HDAC9: variants seen among roughly 807,000 people sequenced by gnomAD.
The protein encoded by HDAC9 is MEF-2 interacting transcription repressor (MITR) protein.
In HDAC9, 41 loss-of-function variants were observed where a neutral mutation model predicts 139.4. The ratio of observed to expected loss-of-function variants is 0.29; its 90% CI spans 0.23 to 0.38. The LOEUF is 0.38. Ranked by LOEUF, HDAC9 falls within the 10% of genes least tolerant of loss-of-function variation. The pLI is 1.00. For missense variants in HDAC9, 1,147 were observed against 1,297.0 expected, an observed-to-expected ratio of 0.88 and a Z score of 1.78; for synonymous variants, 517 against 476.2, an observed-to-expected ratio of 1.09 and a Z score of -1.12.
At chr7:18,777,013 G>A (rs574314376) in intron 16 of HDAC9, among the ~76,000 whole-genome samples, 2 of 140,608 alleles carry the variant, frequency 1.4e-5, no homozygotes, top group South Asian at 4.5e-4. Flanking sequence ...GAGAGGGCAA[G>A]TTGAATTTCT....
At chr7:18,596,426 A>T (rs962926603) in intron 6 of HDAC9, among the ~76,000 whole-genome samples, 3 of 152,134 alleles carry the variant, frequency 2.0e-5, no homozygotes, top group African/African-American at 7.2e-5. Context: ...TGTATTTCCA[A>T]TTCCATTATG....
At chr7:18,906,816 T>A (rs947931766) in intron 22 of HDAC9, 1 of 152,184 alleles carries the variant, frequency 6.6e-6, no homozygotes, top group Non-Finnish European at 1.5e-5. Context: ...ACACACACAA[T>A]CAATTTCGAG....
chr7:18,162,140 C>T (rs557566929), intron 1 of HDAC9: 9 of 582,712 alleles, frequency 1.5e-5, no homozygotes, highest in Admixed American at 6.1e-5. Flanking sequence ...GTGGCTGAGT[C>T]GACACTCAAG....
intron 1 of HDAC9, among the ~76,000 whole-genome samples, chr7:18,408,627 G>A (rs546196888): frequency 8.5e-5 from 13 of 152,242 alleles, no homozygotes; most frequent in African/African-American, 3.1e-4. Context: ...CTAATGGGCC[G>A]TTTATGAAAT....
intron 2 of HDAC9, among the ~76,000 whole-genome samples, chr7:18,546,403 A>T (rs1814841650): frequency 1.3e-5 from 2 of 152,178 alleles, no homozygotes; most frequent in South Asian, 4.1e-4. Flanking sequence ...TAAACTCGGA[A>T]TACGAACTCT....
intron 19 of HDAC9, among the ~76,000 whole-genome samples, chr7:18,834,760 A>AG (rs1562974214): frequency 1.3e-5 from 2 of 152,102 alleles, no homozygotes; most frequent in Non-Finnish European, 2.9e-5. Context: ...TGAAGTATGA[A>AG]GTTTTTTTGC....
rs1159450331 is a variant in HDAC9 at position 18,216,809 on chromosome 7, T to C, written c.25+54460T>C. 3.2e-4 allele frequency among the ~76,000 whole-genome samples: 49 copies of C among 152,186 alleles called. 1 individual carries two copies. The highest frequency in any genetic ancestry group is 3.2e-3 in the Admixed American group (49 of 15,262). Reference sequence around the variant, plus strand: ...AGTTTTCTGTTTTGTCAGCTGGTTTTCAGGTTTTAGTGTCAGGGTTACTAG... The same window carrying C: ...AGTTTTCTGTTTTGTCAGCTGGTTTCCAGGTTTTAGTGTCAGGGTTACTAG... On this transcript the variant is annotated intron_variant, in intron 2 of 12. Transcript: ENST00000417496.
intron 12 of HDAC9, chr7:18,667,863 T>G: frequency 1.0e-6 from 1 of 983,532 alleles, no homozygotes; most frequent in African/African-American, 1.7e-5. Flanking sequence ...TACCTTGTTT[T>G]ATAGGTTTAC....
chr7:18,602,427 C>A (rs1428699475), intron 6 of HDAC9, among the ~76,000 whole-genome samples: 2 of 151,124 alleles, frequency 1.3e-5, no homozygotes, highest in Non-Finnish European at 3.0e-5. Context: ...AGTTTTCTCT[C>A]TTGATTTCCT....
intron 2 of HDAC9, among the ~76,000 whole-genome samples, chr7:18,503,797 A>G (rs1799024980): frequency 1.3e-5 from 2 of 152,164 alleles, no homozygotes; most frequent in Admixed American, 1.3e-4. Flanking sequence ...TAAATTCATA[A>G]TGTATGTTCA....
At chr7:18,427,831 C>T in intron 1 of HDAC9, among the ~76,000 whole-genome samples, 1 of 151,658 alleles carries the variant, frequency 6.6e-6, no homozygotes. Flanking sequence ...TACAGCAGCT[C>T]TTTTAGAAAT....
intron 1 of HDAC9, among the ~76,000 whole-genome samples, chr7:18,307,366 A>G (rs1255318327): frequency 1.3e-5 from 2 of 152,216 alleles, no homozygotes; most frequent in African/African-American, 4.8e-5. Context: ...TCTTGAACAC[A>G]TTGAATTTTG....
At chr7:18,441,765 T>C (rs1473231552) in intron 1 of HDAC9, among the ~76,000 whole-genome samples, 1 of 147,004 alleles carries the variant, frequency 6.8e-6, no homozygotes, top group Non-Finnish European at 1.5e-5. Context: ...ATATATGTTT[T>C]GTTGTTGTTG....
intron 2 of HDAC9, among the ~76,000 whole-genome samples, chr7:18,230,400 T>C (rs1793371250): frequency 2.0e-5 from 3 of 152,208 alleles, no homozygotes; most frequent in African/African-American, 7.2e-5. Context: ...CCCTTATAGA[T>C]GCCTTTGCGT....
At chr7:18,795,796 T>C (rs1235969495) in intron 17 of HDAC9, among the ~76,000 whole-genome samples, 2 of 152,180 alleles carry the variant, frequency 1.3e-5, no homozygotes, top group Non-Finnish European at 2.9e-5. Flanking sequence ...TGGACCGCTA[T>C]TCAACAACCA....
intron 22 of HDAC9, among the ~76,000 whole-genome samples, chr7:18,924,880 C>T (rs539769803): frequency 5.0e-4 from 76 of 152,014 alleles, no homozygotes; most frequent in Non-Finnish European, 7.5e-4. Context: ...TGGCAATGGT[C>T]AATTATAAGT....
intron 1 of HDAC9, among the ~76,000 whole-genome samples, chr7:18,472,896 C>T (rs1794830319): frequency 6.6e-6 from 1 of 152,200 alleles, no homozygotes; most frequent in African/African-American, 2.4e-5. Context: ...TTGTTTAGAA[C>T]AGCACCTGAT....
At chr7:18,875,405 AC>A (rs907380332) in intron 22 of HDAC9, among the ~76,000 whole-genome samples, 3 of 152,194 alleles carry the variant, frequency 2.0e-5, no homozygotes, top group Non-Finnish European at 2.9e-5. Context: ...GCAGACAACA[AC>A]AAAAAACCCA....
chr7:18,394,012 G>A (rs1786790909), intron 1 of HDAC9, among the ~76,000 whole-genome samples: 2 of 152,132 alleles, frequency 1.3e-5, no homozygotes, highest in South Asian at 4.1e-4. Context: ...TTAATTTAAA[G>A]CTAGACTTTT....
Sources: gnomAD v4.1 joint callset for allele counts (sites outside exome capture counted in the v4.1 genomes callset) on GRCh38, gnomAD v4.1.1 for gene constraint, MANE v1.5 for transcripts, NCBI Gene and HGNC (gene_info 2026-07-23, HGNC 2026-07-21) for gene names.